Variants in HAVCR1 observed in about 807,000 individuals in gnomAD.
HAVCR1 encodes the protein T cell immunoglobin domain and mucin domain protein 1.
Under a neutral mutation model 32.0 loss-of-function variants are expected in HAVCR1, and 34 were observed. The observed-to-expected ratio is 1.06, with a 90% CI of 0.81 to 1.42. The LOEUF is 1.42. HAVCR1 is among the 40% of genes most tolerant of loss of function. The probability of loss-of-function intolerance (pLI) is 0.00; values close to 1 mark genes in which losing one functional copy is unlikely to be tolerated. For missense variants in HAVCR1, 420 were observed against 442.3 expected, an observed-to-expected ratio of 0.95 and a Z score of 0.45; for synonymous variants, 178 against 170.3, an observed-to-expected ratio of 1.05 and a Z score of -0.35.
the HAVCR1 span, among the ~76,000 whole-genome samples, chr5:157,066,129 A>AGAG: frequency 6.6e-6 from 1 of 151,682 alleles, no homozygotes; most frequent in Admixed American, 6.6e-5. Flanking sequence ...CAAGGAGGTA[A>AGAG]GAGAAAAAGC....
At chr5:157,052,740 T>C in intron 3 of HAVCR1, 86 bp from the exon 4 acceptor site, 2 of 1,094,144 alleles carry the variant, frequency 1.8e-6, no homozygotes, top group Non-Finnish European at 2.7e-6. Context: ...AGCACACCAA[T>C]GACAGACTGT....
At chr5:157,063,923 G>A (rs920462152), upstream of HAVCR1, among the ~76,000 whole-genome samples, 5 of 152,246 alleles carry the variant, frequency 3.3e-5, no homozygotes, top group African/African-American at 1.2e-4. Context: ...TGCCTGGTGT[G>A]TTTACAGGGC....
the HAVCR1 span, among the ~76,000 whole-genome samples, chr5:157,067,355 C>T: frequency 2.0e-5 from 3 of 152,204 alleles, no homozygotes; most frequent in African/African-American, 7.2e-5. Context: ...CACCCTATCA[C>T]TCTAAGCTTC....
chr5:157,052,712 A>C, intron 3 of HAVCR1, 58 bp from the exon 4 acceptor site: 9 of 1,424,256 alleles, frequency 6.3e-6, no homozygotes, highest in Non-Finnish European at 8.8e-6. Context: ...CAAGAGCCTC[A>C]GGCTGGAACT....
At chr5:157,029,918 G>T in intron 8 of HAVCR1, 77 bp from the exon 9 acceptor site, 5 of 1,249,660 alleles carry the variant, frequency 4.0e-6, no homozygotes, top group East Asian at 2.4e-5. Context: ...CTGCACTTTT[G>T]TTTATGATCA....
chr5:157,044,674 A>AAAGGAAGG, intron 5 of HAVCR1, among the ~76,000 whole-genome samples: 1 of 81,548 alleles, frequency 1.2e-5, no homozygotes, highest in South Asian at 6.0e-4. Flanking sequence ...AGAAAGAAAG[A>AAAGGAAGG]AAGGAGGGAG....
chr5:157,054,588 A>G (rs537924476), intron 3 of HAVCR1, among the ~76,000 whole-genome samples: 6 of 152,196 alleles, frequency 3.9e-5, no homozygotes, highest in Non-Finnish European at 7.3e-5. Context: ...GTATTTTACT[A>G]TGGAACAGTA....
intron 2 of HAVCR1, among the ~76,000 whole-genome samples, chr5:157,057,539 C>A (rs1408967611): frequency 1.3e-5 from 2 of 152,072 alleles, no homozygotes; most frequent in Non-Finnish European, 2.9e-5. Flanking sequence ...CCACCTCCCA[C>A]CCTCTGCCCC....
At chr5:157,041,159 C>T (rs1754867788) in intron 6 of HAVCR1, among the ~76,000 whole-genome samples, 1 of 152,074 alleles carries the variant, frequency 6.6e-6, no homozygotes. Context: ...AGTATGGAAA[C>T]ATTTTACAGA....
intron 5 of HAVCR1, among the ~76,000 whole-genome samples, chr5:157,046,754 A>G (rs925587243): frequency 3.3e-5 from 5 of 152,156 alleles, no homozygotes; most frequent in African/African-American, 1.2e-4. Flanking sequence ...GGAAGGGTCA[A>G]ACAAGTTCCC....
intron 7 of HAVCR1, among the ~76,000 whole-genome samples, chr5:157,034,582 C>A (rs4704731): frequency 6.6e-6 from 1 of 151,178 alleles, no homozygotes; most frequent in Admixed American, 6.6e-5. Flanking sequence ...GTGTCGGGCT[C>A]GGGGAGGGTC....
intron 2 of HAVCR1, among the ~76,000 whole-genome samples, chr5:157,057,378 GAGAGAGAGGAAAGAAAGAAAGAAAGAAA>G (rs1268762461): frequency 1.4e-5 from 2 of 139,994 alleles, no homozygotes; most frequent in Non-Finnish European, 3.0e-5. Flanking sequence ...GAGAGAGAGA[GAGAGAGAGGAAAGAAAGAAAGAAAGAAA>G]GAAAGAAAGA....
chr5:157,036,714 T>C (rs1370940193), intron 7 of HAVCR1, among the ~76,000 whole-genome samples: 1 of 152,180 alleles, frequency 6.6e-6, no homozygotes, highest in East Asian at 1.9e-4. Context: ...CTTTTCCTTT[T>C]ATTTTAGAGA....
intron 8 of HAVCR1, among the ~76,000 whole-genome samples, chr5:157,032,336 T>C (rs1397517214): frequency 6.6e-6 from 1 of 151,998 alleles, no homozygotes; most frequent in Admixed American, 6.5e-5. Flanking sequence ...CTAACCAACA[T>C]GGAGAAACCC....
At chr5:157,060,663 T>C, upstream of HAVCR1, among the ~76,000 whole-genome samples, 1 of 152,152 alleles carries the variant, frequency 6.6e-6, no homozygotes, top group Non-Finnish European at 1.5e-5. Flanking sequence ...AACGGAGTTA[T>C]TCTGGAACTG....
intron 5 of HAVCR1, among the ~76,000 whole-genome samples, chr5:157,045,188 G>A (rs990893830): frequency 6.6e-6 from 1 of 151,556 alleles, no homozygotes; most frequent in African/African-American, 2.4e-5. Context: ...GAAATAAACT[G>A]TAATAAAAGC....
chr5:157,039,553 T>C (rs1351835559), intron 6 of HAVCR1, among the ~76,000 whole-genome samples: 1 of 152,136 alleles, frequency 6.6e-6, no homozygotes, highest in Non-Finnish European at 1.5e-5. Flanking sequence ...TTCATCATAT[T>C]GGTCAGGCTG....
At position 157,029,772 on chromosome 5, in the gene HAVCR1, G is replaced by A. The variant is rs752549782; in HGVS notation, c.1056C>T (p.Asp352=). The A allele has an allele frequency of 1.2e-6, 2 of 1,611,844 alleles. No homozygotes were observed. Among genetic ancestry groups the A allele is most frequent in the African/African-American group, 2.7e-5 (2 of 74,864 alleles). Residue 352 remains aspartate, a synonymous_variant, in exon 9 of 9, where the codon GAC becomes GAT. Coordinates refer to ENST00000523175, the MANE Select transcript of HAVCR1 (RefSeq NM_001173393.3). The stretch of plus-strand genomic sequence containing the variant: ...AAAGACTATTCTCAATGTAGATATT[G>A]TCTTCTGCTTGGACTTCCTTTTCAA... ...NAVEKEVQAE[D]NIYIENSLYA...
At chr5:157,066,042 C>A in the HAVCR1 span, among the ~76,000 whole-genome samples, 498 of 85,920 alleles carry the variant, frequency 5.8e-3, 4 homozygotes, top group African/African-American at 0.023. Flanking sequence ...GGCGAGAGAG[C>A]GAGACTCCGT....
Sources: allele counts gnomAD v4.1 joint callset (sites outside exome capture counted in the v4.1 genomes callset), GRCh38; gene constraint gnomAD v4.1.1; transcripts MANE v1.5; gene names NCBI Gene and HGNC (gene_info 2026-07-23, HGNC 2026-07-21).